The following FLNC variants were observed in gnomAD, a reference collection of about 807,000 sequenced individuals.
FLNC encodes the protein filamin-C.
Under a neutral mutation model 254.3 loss-of-function variants are expected in FLNC, and 91 were observed. That is an observed-to-expected ratio of 0.36 (90% confidence interval 0.30 to 0.43). The LOEUF (loss-of-function observed/expected upper bound fraction) is 0.43, where lower values mean the gene tolerates loss of function less well. FLNC is among the 20% of genes least tolerant of loss of function. FLNC has a pLI of 1.00. For missense variants in FLNC, 2,853 were observed against 3,802.6 expected (o/e 0.75, Z 6.57); for synonymous variants, 1,430 against 1,577.2 (o/e 0.91, Z 2.21).
chr7:128,846,478 T>C lies in FLNC; in HGVS notation c.4127+15T>C. 1 of 1,599,992 alleles carries C rather than the reference T, an allele frequency of 6.3e-7. No homozygotes were observed. Among genetic ancestry groups the C allele is most frequent in the Non-Finnish European group, 8.5e-7 (1 of 1,179,830 alleles). ...GTGGAGACCAGGTATCCTCCCCCTT[T>C]GCTAGCCTAAATCTGTGACCACCCT... On this transcript the variant is annotated intron_variant, in intron 23 of 47. Transcript: ENST00000325888.
At position 128,836,672 on chromosome 7, in the gene FLNC, G is replaced by C. The variant is rs2132256; in HGVS notation, c.602-488G>C. ...CAAGTGAGCAGTTAGAAGGAATAGG[G>C]AGTCTCATACCCTAAGACTGGTGTG... On this transcript the variant is annotated intron_variant, in intron 2 of 47. Coordinates refer to ENST00000325888, the MANE Select transcript of FLNC (RefSeq NM_001458.5). This position sits in a 1 kb window ranked among gnomAD's most constrained non-coding sequence, Gnocchi z 6.0. Among the ~76,000 whole-genome samples the C allele has an allele frequency of 0.12, 18,427 of 152,202 alleles. 2,062 individuals carry two copies. The highest frequency in any genetic ancestry group is 0.31 in the East Asian group (1,614 of 5,172).
Position 128,831,337 on chromosome 7 carries a change from G to A in FLNC, c.352+348G>A, listed in dbSNP as rs187991812. Among the ~76,000 whole-genome samples, 758 of 152,326 alleles carry A rather than the reference G, an allele frequency of 5.0e-3. 5 individuals carry two copies. Among genetic ancestry groups the A allele is most frequent in the Non-Finnish European group, 8.6e-3 (584 of 68,018 alleles). ...GGCAACCCTAGCCCACACTCGGGAGGACAGAACCAGTGCCTGTCACTGATT... is the reference window on the plus strand; with the variant it reads ...GGCAACCCTAGCCCACACTCGGGAGAACAGAACCAGTGCCTGTCACTGATT... On this transcript the variant is annotated intron_variant, in intron 1 of 47. Transcript: ENST00000325888.
rs1171786013 is a variant in FLNC at position 128,842,707 on chromosome 7, A to G, written c.2389+9A>G. ...CAGCGAGGCGGGGCAAGGTGCGCCC[A>G]GCCGGAAGGGGTGGGTCTGGGAGGG... On this transcript the variant is annotated intron_variant, in intron 15 of 47. Transcript: ENST00000325888. This position sits in a 1 kb window ranked among gnomAD's most constrained non-coding sequence, Gnocchi z 5.4. 1 of 1,489,476 alleles carries G rather than the reference A, an allele frequency of 6.7e-7. No homozygotes were observed. The highest frequency in any genetic ancestry group is 9.2e-7 in the Non-Finnish European group (1 of 1,092,170). 92.3% of individuals were successfully genotyped at this position (1,489,476 alleles called of 1,614,324 possible).
rs372623958 is a variant in FLNC, at chr7:128,835,315, C to T, written c.353-11C>T. ...GCGCCCCTGAGCCCGTCTGTGCCCT[C>T]CCCTCTGCAGACAGCAAGGCCATCG... On this transcript the variant is annotated splice_polypyrimidine_tract_variant and intron_variant, in intron 1 of 47. Coordinates refer to ENST00000325888, the MANE Select transcript of FLNC (RefSeq NM_001458.5). This position sits in a 1 kb window ranked among gnomAD's most constrained non-coding sequence, Gnocchi z 5.3. 6.2e-7 allele frequency: 1 copy of T among 1,613,084 alleles called. No individual in the cohort carries two copies. The highest frequency in any genetic ancestry group is 8.5e-7 in the Non-Finnish European group (1 of 1,179,976).
At chr7:128,852,065 C>T (rs912378222) in intron 35 of FLNC, among the ~76,000 whole-genome samples, 6 of 152,136 alleles carry the variant, frequency 3.9e-5, no homozygotes, top group Non-Finnish European at 7.4e-5. Context: ...AGGGTTTCAC[C>T]GTGTTAGCCA....
chr7:128,835,685 G>T lies in FLNC; in HGVS notation c.601+111G>T. 8.0e-7 allele frequency: 1 copy of T among 1,253,592 alleles called. No homozygotes were observed. The highest frequency in any genetic ancestry group is 1.3e-5 in the South Asian group (1 of 79,688). 77.7% of individuals were successfully genotyped at this position (1,253,592 alleles called of 1,614,324 possible). ...CAGAATGCACACCCTGGGGCCTGGG[G>T]GCCAGGATCCCCTGCAGGGTTTGTC... is the stretch of plus-strand genomic sequence containing the variant. On this transcript the variant is annotated intron_variant, in intron 2 of 47. Transcript: ENST00000325888. This position sits in a 1 kb window ranked among gnomAD's most constrained non-coding sequence, Gnocchi z 5.3.
intron 9 of FLNC, 48 bp from the exon 10 acceptor site, chr7:128,840,500 C>A (rs2128934990): frequency 6.2e-7 from 1 of 1,613,468 alleles, no homozygotes; most frequent in Non-Finnish European, 8.5e-7. Context: ...GCTGGGACTT[C>A]AAGGATATTG....
In FLNC at chr7:128,838,656, G is replaced by C; in HGVS notation, c.1264G>C (p.Asp422His). The C allele has an allele frequency of 6.2e-7, 1 of 1,613,062 alleles. No homozygotes were observed. Among genetic ancestry groups the C allele is most frequent in the Non-Finnish European group, 8.5e-7 (1 of 1,180,002 alleles). Residue 422 changes from aspartate (D) to histidine (H), a missense_variant, in exon 8 of 48, where the codon GAC becomes CAC. By Grantham distance (81) the Asp-to-His change is moderately conservative (BLOSUM62 -1). This residue lies in a region of FLNC where 1,573 missense variants were observed against 1,883.5 expected (regional missense o/e 0.84). Transcript: ENST00000325888. Reference sequence around the variant, plus strand: ...GATCGTGGACCCACAGGGCCGGCGGGACACAGTGGAGGTGGCCCTGGAGGA... The same window carrying C: ...GATCGTGGACCCACAGGGCCGGCGGCACACAGTGGAGGTGGCCCTGGAGGA... Reference protein sequence around the residue: ...VVIVDPQGRRDTVEVALEDKG... With the variant: ...VVIVDPQGRRHTVEVALEDKG...
chr7:128,857,287 C>T lies in FLNC; in HGVS notation c.7731C>T (p.Tyr2577=), dbSNP rs374072349. ...GCAACTACCTCATTGCCATCAAGTA[C>T]GGTGGCCCCCAGCACATCGTGGGCA... ...APGNYLIAIK[Y]GGPQHIVGSP... is the part of the protein sequence containing the mutation. Residue 2577 remains tyrosine, a synonymous_variant, in exon 46 of 48, where the codon TAC becomes TAT. Coordinates refer to ENST00000325888, the MANE Select transcript of FLNC (RefSeq NM_001458.5). The surrounding 1 kb of genome is among the most constrained non-coding windows in gnomAD (Gnocchi z 4.5). 2.4e-5 allele frequency: 38 copies of T among 1,613,832 alleles called. No individual in the cohort carries two copies. Among genetic ancestry groups the T allele is most frequent in the Middle Eastern group, 1.7e-4 (1 of 5,970 alleles).
rs770297996 is a variant in FLNC, at chr7:128,835,510, C to T, written c.537C>T (p.Thr179=). 1 of 1,613,642 alleles carries T rather than the reference C, an allele frequency of 6.2e-7. No homozygotes were observed. The highest frequency in any genetic ancestry group is 8.5e-7 in the Non-Finnish European group (1 of 1,180,038). ...IQNKVPQLPI[T]NFNRDWQDGK... is the part of the protein sequence containing the mutation. Reference sequence around the variant, plus strand: ...ACAAGGTGCCCCAGCTGCCCATCACCAACTTCAACCGTGACTGGCAGGACG... The same window carrying T: ...ACAAGGTGCCCCAGCTGCCCATCACTAACTTCAACCGTGACTGGCAGGACG... Residue 179 remains threonine (T), a synonymous_variant, in exon 2 of 48, where the codon ACC becomes ACT. Transcript: ENST00000325888. The surrounding 1 kb of genome is among the most constrained non-coding windows in gnomAD (Gnocchi z 5.3).
chr7:128,853,304 C>A, intron 37 of FLNC, 165 bp from the exon 38 acceptor site: 1 of 845,186 alleles, frequency 1.2e-6, no homozygotes, highest in South Asian at 1.6e-5. Flanking sequence ...TTTTCCAGAC[C>A]GCCTGTCCCG....
At chr7:128,851,205 C>T (rs1166915340) in intron 33 of FLNC, 27 bp from the exon 34 acceptor site, 3 of 1,613,764 alleles carry the variant, frequency 1.9e-6, no homozygotes, top group Non-Finnish European at 2.5e-6. Flanking sequence ...GATGCTGACC[C>T]AGCCCCCTTT....
Position 128,846,344 on chromosome 7 carries a change from C to T in FLNC, c.4008C>T (p.Pro1336=). The change falls in exon 23 of 48, where the codon CCC becomes CCT. Residue 1336 remains proline (P), a synonymous_variant. Transcript: ENST00000325888. ...TCCTGTATGATGAGGTCGCTGTGCC[C>T]AAGAGCCCCTTCCGAGTGGGCGTGA... The part of the protein sequence containing the change: ...VEVLYDEVAV[P]KSPFRVGVTE... 1 of 1,613,724 alleles carries T rather than the reference C, an allele frequency of 6.2e-7. No homozygotes were observed. The highest frequency in any genetic ancestry group is 8.5e-7 in the Non-Finnish European group (1 of 1,180,000).
chr7:128,856,165 A>C lies in FLNC; in HGVS notation c.7252-353A>C, dbSNP rs2128940004. The stretch of plus-strand genomic sequence containing the variant: ...CCAGGCCAGTGAAACTCAGCTTCCT[A>C]CCTCAGAGCTCTCTGGCACCCCCAG... On this transcript the variant is annotated intron_variant, in intron 43 of 47. Transcript: ENST00000325888. The surrounding 1 kb of genome is among the most constrained non-coding windows in gnomAD (Gnocchi z 5.9). Among the ~76,000 whole-genome samples, 1 of 152,068 alleles carries C rather than the reference A, an allele frequency of 6.6e-6. No homozygotes were observed. The highest frequency in any genetic ancestry group is 1.9e-4 in the East Asian group (1 of 5,192).
intron 26 of FLNC, 123 bp from the exon 27 acceptor site, chr7:128,848,438 C>T (rs1808657216): frequency 2.8e-6 from 3 of 1,078,518 alleles, no homozygotes; most frequent in Admixed American, 3.4e-5. Flanking sequence ...GGTCCCTCCT[C>T]CCTGCCCCAC....
At chr7:128,854,254 C>A (rs368479938) in intron 40 of FLNC, 38 bp downstream of exon 40, 6 of 1,603,638 alleles carry the variant, frequency 3.7e-6, no homozygotes, top group Non-Finnish European at 5.1e-6. Context: ...GTCCTCACGG[C>A]GGGATGGGAG....
rs576402053 is a variant in FLNC, at chr7:128,841,332, T to G, written c.1976T>G (p.Leu659Arg). The G allele has an allele frequency of 2.5e-4, 397 of 1,614,054 alleles. 7 individuals are homozygous for G. In the South Asian group the frequency reaches 3.4e-3, roughly 14 times the overall value. The change falls in exon 12 of 48, where the codon CTG becomes CGG. Residue 659 changes from leucine (L) to arginine (R), a missense_variant. Leu to Arg is a moderately radical substitution (Grantham distance 102). Coordinates refer to ENST00000325888, the MANE Select transcript of FLNC (RefSeq NM_001458.5). This position sits in a 1 kb window ranked among gnomAD's most constrained non-coding sequence, Gnocchi z 4.3. ...GACTCACCCTTCATTGCCCACATCCTGCCCGCCCCACCTGACTGCTTCCCA... is the reference window on the plus strand; with the variant it reads ...GACTCACCCTTCATTGCCCACATCCGGCCCGCCCCACCTGACTGCTTCCCA... ...IRDSPFIAHI[L>R]PAPPDCFPDK...
rs772238586 is a variant in FLNC, at chr7:128,841,388, T to C, written c.2007+25T>C. 1 of 1,613,740 alleles carries C rather than the reference T, an allele frequency of 6.2e-7. No homozygotes were observed. The highest frequency in any genetic ancestry group is 8.5e-7 in the Non-Finnish European group (1 of 1,179,732). On this transcript the variant is annotated intron_variant, in intron 12 of 47. Coordinates refer to ENST00000325888, the MANE Select transcript of FLNC (RefSeq NM_001458.5). This position sits in a 1 kb window ranked among gnomAD's most constrained non-coding sequence, Gnocchi z 4.3. ...GGTGTGGTCCCAGCTCACACACACC[T>C]GCCCCGGGGGTGGGGCAAGCTGGTT...
intron 30 of FLNC, 128 bp from the exon 31 acceptor site, chr7:128,849,848 G>C (rs986045346): frequency 1.6e-5 from 13 of 808,506 alleles, no homozygotes; most frequent in Non-Finnish European, 2.7e-5. Flanking sequence ...TCTCCCCAGA[G>C]GCTGCCCTGC....
Sources: gnomAD v4.1 joint callset for allele counts (sites outside exome capture counted in the v4.1 genomes callset) on GRCh38, gnomAD v4.1.1 for gene constraint, gnomAD v4.1.1 regional missense constraint, Gnocchi (gnomAD v3.1) non-coding constraint, MANE v1.5 for transcripts, NCBI Gene and HGNC (gene_info 2026-07-23, HGNC 2026-07-21) for gene names.